MACROD2: variants seen among roughly 807,000 people sequenced by gnomAD.
MACROD2 encodes ADP-ribose glycohydrolase MACROD2.
A neutral mutation model predicts 70.4 loss-of-function variants in MACROD2; 36 were observed. The ratio of observed to expected loss-of-function variants is 0.51; its 90% confidence interval spans 0.39 to 0.68. The LOEUF is 0.68. Ranked by LOEUF, MACROD2 falls within the 30% of genes least tolerant of loss-of-function variation. The pLI, the probability that MACROD2 is intolerant of heterozygous loss-of-function variation, is 0.00. For missense variants in MACROD2, 496 were observed against 538.4 expected, an observed-to-expected ratio of 0.92 and a Z score of 0.78; for synonymous variants, 172 against 178.8, an observed-to-expected ratio of 0.96 and a Z score of 0.30.
intron 5 of MACROD2, among the ~76,000 whole-genome samples, chr20:15,062,149 C>T (rs994517510): frequency 1.8e-4 from 28 of 151,980 alleles, no homozygotes; most frequent in Admixed American, 3.9e-4. Context: ...TGGCCTTGTG[C>T]GTGAGAGAGA....
At chr20:15,778,578 C>T (rs918479090) in intron 8 of MACROD2, among the ~76,000 whole-genome samples, 4 of 151,892 alleles carry the variant, frequency 2.6e-5, no homozygotes, top group Non-Finnish European at 4.4e-5. Context: ...ATATTTTAAT[C>T]CCTGGATGAA....
chr20:15,928,446 T>G (rs573726670), intron 10 of MACROD2, among the ~76,000 whole-genome samples: 6 of 152,340 alleles, frequency 3.9e-5, no homozygotes, highest in African/African-American at 1.4e-4. Context: ...TTTTTGCTGA[T>G]TCATAATTTA....
chr20:15,377,126 G>A (rs540812097), intron 6 of MACROD2, among the ~76,000 whole-genome samples: 3 of 152,178 alleles, frequency 2.0e-5, no homozygotes, highest in African/African-American at 4.8e-5. Context: ...TCCTGACCTC[G>A]TGATCCGCCC....
At chr20:15,777,322 T>C (rs1202379057) in intron 8 of MACROD2, among the ~76,000 whole-genome samples, 2 of 152,104 alleles carry the variant, frequency 1.3e-5, no homozygotes, top group African/African-American at 4.8e-5. Flanking sequence ...TATAATGAGG[T>C]TCCATATAAG....
chr20:14,572,522 A>G (rs1980264273), intron 4 of MACROD2, among the ~76,000 whole-genome samples: 1 of 152,186 alleles, frequency 6.6e-6, no homozygotes, highest in Admixed American at 6.6e-5. Flanking sequence ...CCAATAGTAG[A>G]AAAGATAAAT....
intron 3 of MACROD2, among the ~76,000 whole-genome samples, chr20:14,297,626 G>T (rs1235468945): frequency 1.3e-5 from 2 of 151,904 alleles, no homozygotes; most frequent in Non-Finnish European, 2.9e-5. Flanking sequence ...AAGAAAAGTT[G>T]GAAGCTAGCA....
intron 3 of MACROD2, among the ~76,000 whole-genome samples, chr20:14,100,621 T>C (rs1471731151): frequency 7.0e-6 from 1 of 143,138 alleles, no homozygotes; most frequent in Non-Finnish European, 1.5e-5. Flanking sequence ...ATAGTATATA[T>C]AAAAATATAT....
At chr20:14,136,007 TAAATA>T (rs1262679611) in intron 3 of MACROD2, among the ~76,000 whole-genome samples, 1 of 151,828 alleles carries the variant, frequency 6.6e-6, no homozygotes, top group Non-Finnish European at 1.5e-5. Flanking sequence ...GGAAGAAAAA[TAAATA>T]AAAGGCAGAA....
At chr20:14,008,411 A>C (rs1415366156) in intron 2 of MACROD2, among the ~76,000 whole-genome samples, 5 of 152,218 alleles carry the variant, frequency 3.3e-5, no homozygotes, top group African/African-American at 1.2e-4. Context: ...AATGTGGCTA[A>C]CAAGGGAAGT....
intron 6 of MACROD2, among the ~76,000 whole-genome samples, chr20:15,300,691 T>C (rs2077633565): frequency 6.6e-6 from 1 of 152,152 alleles, no homozygotes; most frequent in African/African-American, 2.4e-5. Flanking sequence ...GAAGCTACAG[T>C]TTCATCACTG....
chr20:15,242,968 G>C (rs2077072951), intron 6 of MACROD2, among the ~76,000 whole-genome samples: 2 of 152,168 alleles, frequency 1.3e-5, no homozygotes, highest in Non-Finnish European at 2.9e-5. Context: ...AATGTTTATG[G>C]AGCATCTGGT....
chr20:15,392,065 A>G (rs888632148), intron 6 of MACROD2, among the ~76,000 whole-genome samples: 5 of 152,144 alleles, frequency 3.3e-5, no homozygotes, highest in African/African-American at 7.2e-5. Flanking sequence ...TGGGAAGCAA[A>G]GAGATACTCC....
In MACROD2 at chr20:15,302,894, T is replaced by C. The variant is rs529638061; in HGVS notation, c.540+72833T>C. 3.9e-5 allele frequency among the ~76,000 whole-genome samples: 6 copies of C among 152,318 alleles called. No homozygotes were observed. In the East Asian group the frequency reaches 1.2e-3, roughly 29 times the overall value. On this transcript the variant is annotated intron_variant, in intron 6 of 17. Transcript: ENST00000684519. ...AACGTTTATTAGCCATATTTGGATG[T>C]TGTGTTCTGTGAACCTGCTACTTAT...
At chr20:15,559,533 G>A (rs1322826313) in intron 8 of MACROD2, among the ~76,000 whole-genome samples, 1 of 152,166 alleles carries the variant, frequency 6.6e-6, no homozygotes, top group East Asian at 1.9e-4. Context: ...CATAAAATGA[G>A]AACTTCTGTC....
intron 8 of MACROD2, among the ~76,000 whole-genome samples, chr20:15,700,100 T>C (rs1341641269): frequency 2.0e-5 from 3 of 152,160 alleles, no homozygotes; most frequent in African/African-American, 4.8e-5. Context: ...CACTCAATAT[T>C]TGGGGGTCTC....
At chr20:14,015,293 A>C (rs1043117916) in intron 2 of MACROD2, among the ~76,000 whole-genome samples, 2 of 152,214 alleles carry the variant, frequency 1.3e-5, no homozygotes, top group African/African-American at 4.8e-5. Flanking sequence ...CCCAGATAGA[A>C]ACTTTGAGCT....
At chr20:16,013,072 T>C (rs539721838) in intron 15 of MACROD2, among the ~76,000 whole-genome samples, 101 of 151,996 alleles carry the variant, frequency 6.6e-4, no homozygotes, top group African/African-American at 2.0e-3. Context: ...CCCAGCTACT[T>C]GGGAGGCTGA....
At chr20:14,970,488 A>G (rs1218486821) in intron 5 of MACROD2, among the ~76,000 whole-genome samples, 1 of 152,186 alleles carries the variant, frequency 6.6e-6, no homozygotes, top group Non-Finnish European at 1.5e-5. Flanking sequence ...TGAGATCAAC[A>G]GAGCCATTTT....
In MACROD2 at chr20:15,000,141, G is replaced by C. The variant is rs8125817; in HGVS notation, c.419-229799G>C. Among the ~76,000 whole-genome samples, 1,067 of 152,314 alleles carry C rather than the reference G, an allele frequency of 7.0e-3. 22 individuals are homozygous for C. The highest frequency in any genetic ancestry group is 0.024 in the African/African-American group (1,009 of 41,570). On this transcript the variant is annotated intron_variant, in intron 5 of 17. Coordinates refer to ENST00000684519, the MANE Select transcript of MACROD2 (RefSeq NM_001351661.2). Reference sequence around the variant, plus strand: ...GAAAAAATAAAAGGCTTAAAGCCTTGAAGGGCAAATATCAACTGAATTCAT... The same window carrying C: ...GAAAAAATAAAAGGCTTAAAGCCTTCAAGGGCAAATATCAACTGAATTCAT...
Sources: allele counts gnomAD v4.1 joint callset (sites outside exome capture counted in the v4.1 genomes callset), GRCh38; gene constraint gnomAD v4.1.1; transcripts MANE v1.5; gene names NCBI Gene and HGNC (gene_info 2026-07-23, HGNC 2026-07-21).